Variants in PRKAG2 observed in about 807,000 individuals in gnomAD.
PRKAG2 encodes the protein 5'-AMP-activated protein kinase subunit gamma-2.
In PRKAG2, 26 loss-of-function variants were observed where a neutral mutation model predicts 69.6. The observed-to-expected ratio is 0.37, with a 90% CI of 0.27 to 0.52. The LOEUF is 0.52. Ranked by LOEUF, PRKAG2 falls within the 20% of genes least tolerant of loss-of-function variation. The pLI is 0.90. For missense variants in PRKAG2, 557 were observed against 740.0 expected, an observed-to-expected ratio of 0.75 and a Z score of 2.87; for synonymous variants, 293 against 285.0, an observed-to-expected ratio of 1.03 and a Z score of -0.28.
chr7:151,633,809 C>T lies in PRKAG2; in HGVS notation c.685-1671G>A, dbSNP rs565292076. Among the ~76,000 whole-genome samples, 63 of 152,250 alleles carry T rather than the reference C, an allele frequency of 4.1e-4. 1 individual carries two copies. The highest frequency in any genetic ancestry group is 8.3e-4 in the South Asian group (4 of 4,818). On this transcript the variant is annotated intron_variant, in intron 4 of 15. Coordinates refer to ENST00000287878, the MANE Select transcript of PRKAG2 (RefSeq NM_016203.4). ...CCCCAACATAGTAAAAATGACAATTCTCCCCCAGATTAATCTTTTGGTTTA... is the reference window on the plus strand; with the variant it reads ...CCCCAACATAGTAAAAATGACAATTTTCCCCCAGATTAATCTTTTGGTTTA...
At chr7:151,724,585 T>C (rs1797625976) in intron 3 of PRKAG2, among the ~76,000 whole-genome samples, 1 of 152,132 alleles carries the variant, frequency 6.6e-6, no homozygotes. Context: ...CCAGGTCCCG[T>C]CGTCGCCCTC....
At chr7:151,818,129 C>T (rs1259239163) in intron 1 of PRKAG2, among the ~76,000 whole-genome samples, 3 of 152,182 alleles carry the variant, frequency 2.0e-5, no homozygotes, top group Non-Finnish European at 4.4e-5. Flanking sequence ...TAGAGCCAGA[C>T]ATTGGGGCCT....
intron 3 of PRKAG2, among the ~76,000 whole-genome samples, chr7:151,722,589 T>A (rs1397445861): frequency 6.6e-6 from 1 of 151,942 alleles, no homozygotes; most frequent in Admixed American, 6.6e-5. Context: ...AGCAGGTGAG[T>A]GGCGGGGGTA....
In PRKAG2 at chr7:151,692,047, G is replaced by A. The variant is rs149151725; in HGVS notation, c.467-16410C>T. Among the ~76,000 whole-genome samples the A allele has an allele frequency of 1.6e-3, 249 of 152,226 alleles. 1 individual carries two copies. The highest frequency in any genetic ancestry group is 5.6e-3 in the African/African-American group (234 of 41,536). On this transcript the variant is annotated intron_variant, in intron 3 of 15. Coordinates refer to ENST00000287878, the MANE Select transcript of PRKAG2 (RefSeq NM_016203.4). ...ACAAAAAATTAAAAAAGTTGGCTGG[G>A]TGCAGTGGCACACTCCTGTTGTCCC...
At chr7:151,586,754 C>T (rs940794304) in intron 6 of PRKAG2, among the ~76,000 whole-genome samples, 2 of 152,154 alleles carry the variant, frequency 1.3e-5, no homozygotes, top group South Asian at 2.1e-4. Flanking sequence ...ACAATAGGAC[C>T]GGGGCTTCTC....
At chr7:151,750,096 C>CAAAAAAAAAAAAA (rs35915808) in intron 3 of PRKAG2, among the ~76,000 whole-genome samples, 2 of 63,022 alleles carry the variant, frequency 3.2e-5, no homozygotes, top group Non-Finnish European at 7.0e-5. Flanking sequence ...GACTCCATCT[C>CAAAAAAAAAAAAA]AAAAAAAAAA....
intron 3 of PRKAG2, among the ~76,000 whole-genome samples, chr7:151,726,743 T>C (rs1275594982): frequency 1.3e-5 from 2 of 152,060 alleles, no homozygotes; most frequent in South Asian, 4.2e-4. Flanking sequence ...ATGCCAATCT[T>C]GAGGGGAAGT....
chr7:151,573,254 C>CTTAAGTAA (rs1808070917), intron 8 of PRKAG2, among the ~76,000 whole-genome samples: 1 of 150,720 alleles, frequency 6.6e-6, no homozygotes, highest in South Asian at 2.1e-4. Flanking sequence ...ACCTCCCAGG[C>CTTAAGTAA]TTAAGTAATC....
intron 4 of PRKAG2, among the ~76,000 whole-genome samples, chr7:151,640,662 GCCTT>G (rs10655187): frequency 8.6e-5 from 13 of 151,142 alleles, no homozygotes; most frequent in East Asian, 7.8e-4. Flanking sequence ...TTCCCCCACC[GCCTT>G]CCTTCCTTCC....
chr7:151,705,725 C>T (rs1245041292), intron 3 of PRKAG2, among the ~76,000 whole-genome samples: 3 of 152,098 alleles, frequency 2.0e-5, no homozygotes, highest in Admixed American at 6.5e-5. Flanking sequence ...TTTCAGTCTC[C>T]CTGCTTAACT....
chr7:151,745,103 T>A (rs2074191083), intron 3 of PRKAG2, among the ~76,000 whole-genome samples: 1 of 152,086 alleles, frequency 6.6e-6, no homozygotes, highest in Non-Finnish European at 1.5e-5. Flanking sequence ...CTCTGCTCCA[T>A]GGGTGGACGG....
Position 151,583,307 on chromosome 7 carries a change from C to T in PRKAG2, c.865-6855G>A, listed in dbSNP as rs995565956. On this transcript the variant is annotated intron_variant, in intron 6 of 15. Coordinates refer to ENST00000287878, the MANE Select transcript of PRKAG2 (RefSeq NM_016203.4). This position sits in a 1 kb window ranked among gnomAD's most constrained non-coding sequence, Gnocchi z 4.1. ...AAAGTGCTGGGATGAAAGATTTATT[C>T]TTTTAATTTCATCCACATACACTGT... Among the ~76,000 whole-genome samples the T allele has an allele frequency of 6.6e-6, 1 of 152,180 alleles. No individual in the cohort carries two copies. Among genetic ancestry groups the T allele is most frequent in the Admixed American group, 6.5e-5 (1 of 15,282 alleles).
chr7:151,843,153 A>G (rs751621933), intron 1 of PRKAG2, among the ~76,000 whole-genome samples: 2 of 152,110 alleles, frequency 1.3e-5, no homozygotes, highest in Non-Finnish European at 2.9e-5. Context: ...GCCCCAGTGT[A>G]CCTACAAGTT....
intron 5 of PRKAG2, among the ~76,000 whole-genome samples, chr7:151,607,880 C>CA: frequency 6.6e-6 from 1 of 152,152 alleles, no homozygotes; most frequent in Middle Eastern, 3.4e-3. Flanking sequence ...GTGGCCTCCG[C>CA]AAAAAGACAG....
rs140510642 is a variant in PRKAG2, at chr7:151,834,612, A to T, written c.114+41895T>A. Among the ~76,000 whole-genome samples the T allele has an allele frequency of 1.3e-3, 199 of 152,340 alleles. 1 individual carries two copies. Among genetic ancestry groups the T allele is most frequent in the African/African-American group, 4.7e-3 (196 of 41,574 alleles). ...CCACATAGTGGGAGGAGGAACACCC[A>T]GCACTACCCCTACTTGCTGGAATGT... is the stretch of plus-strand genomic sequence containing the variant. On this transcript the variant is annotated intron_variant, in intron 1 of 15. Transcript: ENST00000287878.
At chr7:151,656,080 C>T (rs1237983373) in intron 4 of PRKAG2, among the ~76,000 whole-genome samples, 1 of 152,092 alleles carries the variant, frequency 6.6e-6, no homozygotes, top group African/African-American at 2.4e-5. Flanking sequence ...AACCTGAAAC[C>T]TGAGTAGCAC....
intron 1 of PRKAG2, among the ~76,000 whole-genome samples, chr7:151,849,507 C>T (rs550328335): frequency 1.2e-4 from 19 of 152,184 alleles, no homozygotes; most frequent in African/African-American, 2.9e-4. Flanking sequence ...TCATTTCTGG[C>T]GGCTGCTGTA....
At chr7:151,560,767 T>A (rs1489205652) in intron 14 of PRKAG2, 150 bp from the exon 15 acceptor site, 1 of 1,106,980 alleles carries the variant, frequency 9.0e-7, no homozygotes, top group East Asian at 2.7e-5. Flanking sequence ...TACAAAAACA[T>A]TAGACAGTGG....
chr7:151,695,735 C>T (rs1391713894), intron 3 of PRKAG2, among the ~76,000 whole-genome samples: 6 of 152,192 alleles, frequency 3.9e-5, no homozygotes, highest in Admixed American at 6.5e-5. Flanking sequence ...GGTGGCGTTG[C>T]TTCCAAGGTG....
Sources: gnomAD v4.1 joint callset for allele counts (sites outside exome capture counted in the v4.1 genomes callset) on GRCh38, gnomAD v4.1.1 for gene constraint, Gnocchi (gnomAD v3.1) non-coding constraint, MANE v1.5 for transcripts, NCBI Gene and HGNC (gene_info 2026-07-23, HGNC 2026-07-21) for gene names.